XKR4: variants seen among roughly 807,000 people sequenced by gnomAD.
XKR4 encodes XK related 4, also known as XK-related protein 4.
Under a neutral mutation model 53.9 loss-of-function variants are expected in XKR4, and 12 were observed. That is an observed-to-expected ratio of 0.22 (90% CI 0.14 to 0.36). XKR4 has a LOEUF of 0.36. Among genes scored for constraint, XKR4 ranks in the 10% least tolerant of loss-of-function variants. The probability of loss-of-function intolerance (pLI) is 1.00; values close to 1 mark genes in which losing one functional copy is unlikely to be tolerated. For missense variants in XKR4, 799 were observed against 859.5 expected, an observed-to-expected ratio of 0.93 and a Z score of 0.88; for synonymous variants, 354 against 362.4, an observed-to-expected ratio of 0.98 and a Z score of 0.26.
intron 1 of XKR4, among the ~76,000 whole-genome samples, chr8:55,272,532 C>T (rs1818706603): frequency 6.6e-6 from 1 of 152,184 alleles, no homozygotes; most frequent in Non-Finnish European, 1.5e-5. Context: ...ACCTCTTTGA[C>T]ACGGCCTCAG....
rs1316126454 is a variant in XKR4 at position 55,111,388 on chromosome 8, T to C, written c.806+8094T>C. 2.0e-5 allele frequency among the ~76,000 whole-genome samples: 3 copies of C among 152,316 alleles called. No homozygotes were observed. The East Asian group carries it at 5.8e-4, about 29-fold the overall frequency. ...TCACTTGCCTAGTACCTAGGGTATATGCACTAGAATGTCTACAGGTGTTCT... is the reference window on the plus strand; with the variant it reads ...TCACTTGCCTAGTACCTAGGGTATACGCACTAGAATGTCTACAGGTGTTCT... On this transcript the variant is annotated intron_variant, in intron 1 of 2. Coordinates refer to ENST00000327381, the MANE Select transcript of XKR4 (RefSeq NM_052898.2).
At chr8:55,363,072 T>C (rs1215025520) in intron 2 of XKR4, among the ~76,000 whole-genome samples, 4 of 152,244 alleles carry the variant, frequency 2.6e-5, no homozygotes, top group Non-Finnish European at 5.9e-5. Flanking sequence ...ACTAGATGAA[T>C]TGTTTGAGTG....
rs1159894227 is a variant in XKR4, at chr8:55,103,008, G to A, written c.520G>A (p.Glu174Lys). ...FRWFVHDFSTEDSATAAAASS... is the reference protein window; with the variant it reads ...FRWFVHDFSTKDSATAAAASS... ...CTGGTTTGTGCACGATTTCAGCACC[G>A]AGGACAGCGCCACGGCCGCTGCTGC... The change falls in exon 1 of 3, where the codon GAG becomes AAG. Residue 174 changes from glutamate to lysine, a missense_variant. Glu to Lys is a moderately conservative substitution (Grantham distance 56, BLOSUM62 1). This residue lies in a region of XKR4 where 476 missense variants were observed against 505.4 expected (regional missense o/e 0.94). Coordinates refer to ENST00000327381, the MANE Select transcript of XKR4 (RefSeq NM_052898.2). 5 of 1,612,198 alleles carry A rather than the reference G, an allele frequency of 3.1e-6. No homozygotes were observed. The highest frequency in any genetic ancestry group is 4.2e-6 in the Non-Finnish European group (5 of 1,179,834).
chr8:55,386,288 T>C (rs1804313968), intron 2 of XKR4, among the ~76,000 whole-genome samples: 1 of 152,182 alleles, frequency 6.6e-6, no homozygotes, highest in Non-Finnish European at 1.5e-5. Flanking sequence ...GTCCACTGCA[T>C]GCATGATATC....
chr8:55,364,667 C>T (rs910840079), intron 2 of XKR4, among the ~76,000 whole-genome samples: 6 of 152,010 alleles, frequency 3.9e-5, no homozygotes, highest in African/African-American at 1.5e-4. Context: ...GAGTCTTGCT[C>T]TGTTGCTTAG....
At chr8:55,385,611 C>T (rs186906111) in intron 2 of XKR4, among the ~76,000 whole-genome samples, 6 of 152,260 alleles carry the variant, frequency 3.9e-5, no homozygotes, top group Admixed American at 3.3e-4. Flanking sequence ...AGCAAAGTAA[C>T]ATCATGGAAT....
At chr8:55,396,190 T>C (rs1221928091) in intron 2 of XKR4, among the ~76,000 whole-genome samples, 1 of 152,156 alleles carries the variant, frequency 6.6e-6, no homozygotes, top group Non-Finnish European at 1.5e-5. Flanking sequence ...ACCCTGATAA[T>C]AGTGCTGCTC....
intron 2 of XKR4, among the ~76,000 whole-genome samples, chr8:55,504,501 C>A (rs1020197998): frequency 9.9e-5 from 15 of 152,092 alleles, no homozygotes; most frequent in Non-Finnish European, 2.2e-4. Context: ...AGGCGTGAGC[C>A]ACCGTTCCCA....
At chr8:55,475,335 T>G (rs939556314) in intron 2 of XKR4, among the ~76,000 whole-genome samples, 1 of 152,130 alleles carries the variant, frequency 6.6e-6, no homozygotes, top group African/African-American at 2.4e-5. Flanking sequence ...TGCCTGAAAA[T>G]GTGGATTGTC....
At chr8:55,103,871 A>ATG (rs1363355907) in intron 1 of XKR4, among the ~76,000 whole-genome samples, 2 of 141,750 alleles carry the variant, frequency 1.4e-5, no homozygotes, top group East Asian at 2.1e-4. Context: ...ATATATATAT[A>ATG]TATATATATA....
intron 2 of XKR4, among the ~76,000 whole-genome samples, chr8:55,379,786 G>A (rs1804205127): frequency 6.6e-6 from 1 of 152,180 alleles, no homozygotes; most frequent in Admixed American, 6.5e-5. Flanking sequence ...GGGCATCTTC[G>A]GGTGGGTCCT....
chr8:55,400,234 C>G (rs1804578676), intron 2 of XKR4, among the ~76,000 whole-genome samples: 2 of 152,208 alleles, frequency 1.3e-5, no homozygotes. Context: ...CTAAAATCCT[C>G]TAGCTCATGA....
At chr8:55,375,520 A>G (rs906398278) in intron 2 of XKR4, among the ~76,000 whole-genome samples, 4 of 152,140 alleles carry the variant, frequency 2.6e-5, no homozygotes, top group African/African-American at 7.2e-5. Context: ...CTCTAGAGCC[A>G]GAGCTGACTG....
intron 1 of XKR4, among the ~76,000 whole-genome samples, chr8:55,158,062 TTC>T (rs1194052437): frequency 2.6e-5 from 4 of 152,216 alleles, no homozygotes; most frequent in Non-Finnish European, 5.9e-5. Flanking sequence ...TGAATGGTAA[TTC>T]TGTTTTAAGT....
At chr8:55,137,935 TTATCTAGTA>T (rs1391865157) in intron 1 of XKR4, among the ~76,000 whole-genome samples, 1 of 151,970 alleles carries the variant, frequency 6.6e-6, no homozygotes, top group Admixed American at 6.6e-5. Context: ...AATAACTTTA[TTATCTAGTA>T]TAAAGGGCAC....
intron 2 of XKR4, among the ~76,000 whole-genome samples, chr8:55,489,701 C>T (rs1806246358): frequency 6.6e-6 from 1 of 151,564 alleles, no homozygotes; most frequent in Admixed American, 6.6e-5. Flanking sequence ...ATTATTTAAA[C>T]ATTTTCAAAT....
chr8:55,507,590 C>G (rs1435109057), intron 2 of XKR4, among the ~76,000 whole-genome samples: 1 of 152,112 alleles, frequency 6.6e-6, no homozygotes, highest in African/African-American at 2.4e-5. Context: ...TGAGTGAGAA[C>G]ATGTGGTATT....
chr8:55,490,448 C>G lies in XKR4; in HGVS notation c.1007-32833C>G, dbSNP rs1027825881. Among the ~76,000 whole-genome samples the G allele has an allele frequency of 8.2e-4, 125 of 152,116 alleles. 2 individuals are homozygous for G. The highest frequency in any genetic ancestry group is 4.0e-4 in the Non-Finnish European group (27 of 68,022). ...GGAGAGGGGCAAGGGTTGAAAAACTCACCATTGGGTACTATGCTTAGTACA... is the reference window on the plus strand; with the variant it reads ...GGAGAGGGGCAAGGGTTGAAAAACTGACCATTGGGTACTATGCTTAGTACA... On this transcript the variant is annotated intron_variant, in intron 2 of 2. Coordinates refer to ENST00000327381, the MANE Select transcript of XKR4 (RefSeq NM_052898.2).
intron 2 of XKR4, chr8:55,455,244 T>TCCGCGGCGG (rs1274372212): frequency 5.3e-6 from 1 of 188,812 alleles, no homozygotes; most frequent in African/African-American, 2.4e-5. Context: ...CCGGGTTCGC[T>TCCGCGGCGG]CCGCGGCGGC....
Sources: gnomAD v4.1 joint callset for allele counts (sites outside exome capture counted in the v4.1 genomes callset) on GRCh38, gnomAD v4.1.1 for gene constraint, gnomAD v4.1.1 regional missense constraint, MANE v1.5 for transcripts, NCBI Gene and HGNC (gene_info 2026-07-23, HGNC 2026-07-21) for gene names.